Variants in SGK3 observed in about 807,000 individuals in gnomAD.
SGK3 encodes serine/threonine-protein kinase Sgk3.
Under a neutral mutation model 68.5 loss-of-function variants are expected in SGK3, and 47 were observed. That is an observed-to-expected ratio of 0.69 (90% confidence interval 0.54 to 0.87). The LOEUF is 0.87. Ranked by LOEUF, SGK3 falls within the 40% of genes least tolerant of loss-of-function variation. SGK3 has a pLI of 0.00. For synonymous variants in SGK3, 181 were observed against 189.1 expected (o/e 0.96, Z 0.35); for missense variants, 479 against 575.5 (o/e 0.83, Z 1.72).
intron 1 of SGK3, among the ~76,000 whole-genome samples, chr8:66,735,821 C>T (rs1008117368): frequency 6.6e-5 from 10 of 152,020 alleles, no homozygotes; most frequent in African/African-American, 2.2e-4. Flanking sequence ...TTTTACTTCT[C>T]AGGTTTCAAT....
chr8:66,803,890 G>A (rs1330662123), intron 3 of SGK3, among the ~76,000 whole-genome samples: 2 of 152,012 alleles, frequency 1.3e-5, no homozygotes, highest in African/African-American at 4.8e-5. Flanking sequence ...GAAGGTTAGA[G>A]CAGATAGGGT....
At chr8:66,839,496 GAGATATATATATAT>G (rs1809679618) in intron 10 of SGK3, among the ~76,000 whole-genome samples, 3 of 43,228 alleles carry the variant, frequency 6.9e-5, no homozygotes, top group South Asian at 8.1e-4. Context: ...TATATGTATG[GAGATATATATATAT>G]ATATATATAT....
At chr8:66,765,313 T>C (rs1392207437) in intron 1 of SGK3, among the ~76,000 whole-genome samples, 1 of 146,126 alleles carries the variant, frequency 6.8e-6, no homozygotes. Flanking sequence ...TGACTAATGT[T>C]GTTGAGCAAC....
At chr8:66,748,729 T>C (rs1805720196) in intron 1 of SGK3, among the ~76,000 whole-genome samples, 1 of 152,136 alleles carries the variant, frequency 6.6e-6, no homozygotes, top group Non-Finnish European at 1.5e-5. Flanking sequence ...GCTCATCAAT[T>C]TTAATTTTGA....
intron 1 of SGK3, among the ~76,000 whole-genome samples, chr8:66,744,747 C>A (rs1294329845): frequency 6.7e-6 from 1 of 150,274 alleles, no homozygotes; most frequent in African/African-American, 2.4e-5. Context: ...CTTAAATGAT[C>A]CACCCGCCTT....
intron 12 of SGK3, 135 bp downstream of exon 12, chr8:66,840,382 G>C (rs1809751829): frequency 1.1e-6 from 1 of 913,306 alleles, no homozygotes; most frequent in Non-Finnish European, 1.6e-6. Flanking sequence ...CAAAACGGTA[G>C]GGATGGAGAA....
chr8:66,822,596 A>AAAT, intron 6 of SGK3, 137 bp downstream of exon 6: 1 of 659,686 alleles, frequency 1.5e-6, no homozygotes, highest in Non-Finnish European at 2.4e-6. Context: ...ATAAAAACAA[A>AAAT]TGCATATACC....
chr8:66,775,455 GC>G (rs1048255099), intron 1 of SGK3: 1 of 152,420 alleles, frequency 6.6e-6, no homozygotes, highest in African/African-American at 2.4e-5. Context: ...CCATTTCCGC[GC>G]CCATCACGAG....
chr8:66,842,991 A>T (rs1809857837), intron 13 of SGK3, among the ~76,000 whole-genome samples: 1 of 152,168 alleles, frequency 6.6e-6, no homozygotes, highest in African/African-American at 2.4e-5. Context: ...GTATCACCTG[A>T]GCCCAGGAAG....
intron 16 of SGK3, among the ~76,000 whole-genome samples, chr8:66,856,942 A>G (rs1462413697): frequency 1.3e-5 from 2 of 152,122 alleles, no homozygotes; most frequent in Non-Finnish European, 2.9e-5. Context: ...GAAATACAAA[A>G]ATTAGCTGGG....
chr8:66,823,627 A>G (rs1808936160), intron 6 of SGK3, among the ~76,000 whole-genome samples: 1 of 151,820 alleles, frequency 6.6e-6, no homozygotes. Flanking sequence ...CAAACTCCTA[A>G]CCTTGTGATC....
At position 66,797,729 on chromosome 8, in the gene SGK3, A is replaced by G. The variant is rs541569235; in HGVS notation, c.97-813A>G. Among the ~76,000 whole-genome samples, 3 of 152,356 alleles carry G rather than the reference A, an allele frequency of 2.0e-5. No homozygotes were observed. In the East Asian group the frequency reaches 5.8e-4, roughly 29 times the overall value. On this transcript the variant is annotated intron_variant, in intron 2 of 16. Coordinates refer to ENST00000521198, the MANE Select transcript of SGK3 (RefSeq NM_001033578.3). The stretch of plus-strand genomic sequence containing the variant: ...ACAATTGAAGGTTTTTTATGTAGCA[A>G]GTATCACTTTTGAAAATACTTTGTA...
Position 66,729,735 on chromosome 8 carries a change from T to TTATATTTATTTATTTATTTA in SGK3, c.-122+16903_-122+16904insATATTTATTTATTTATTTAT, listed in dbSNP as rs149985419. Among the ~76,000 whole-genome samples the TTATATTTATTTATTTATTTA allele has an allele frequency of 4.7e-3, 716 of 151,002 alleles. 8 individuals are homozygous for TTATATTTATTTATTTATTTA. The highest frequency in any genetic ancestry group is 0.017 in the African/African-American group (684 of 40,874). ...AGAATGCCTACATTTATTTATTTAT[T>TTATATTTATTTATTTATTTA]TTTATTTATTTATTTATTTATTTAT... On this transcript the variant is annotated intron_variant, in intron 1 of 16. Transcript: ENST00000521198.
intron 5 of SGK3, among the ~76,000 whole-genome samples, chr8:66,821,845 A>G (rs1033118912): frequency 1.3e-5 from 2 of 151,792 alleles, no homozygotes; most frequent in African/African-American, 4.8e-5. Context: ...AATTTTTTCT[A>G]TGGTTTACCC....
At chr8:66,728,844 T>C (rs1261737551) in intron 1 of SGK3, among the ~76,000 whole-genome samples, 1 of 151,574 alleles carries the variant, frequency 6.6e-6, no homozygotes, top group Admixed American at 6.6e-5. Flanking sequence ...TGCTTGGGTC[T>C]AGGAGTTCAC....
At chr8:66,834,158 ATAATC>A (rs1388972163) in intron 8 of SGK3, among the ~76,000 whole-genome samples, 39 of 152,394 alleles carry the variant, frequency 2.6e-4, no homozygotes, top group African/African-American at 8.7e-4. Context: ...TTATTCATAA[ATAATC>A]TAATCTATCA....
intron 1 of SGK3, among the ~76,000 whole-genome samples, chr8:66,732,475 G>A (rs11987310): frequency 0.13 from 19,616 of 149,474 alleles, 2,457 homozygotes; most frequent in African/African-American, 0.33. Flanking sequence ...GTGACAGTAC[G>A]AGACTCTGTC....
rs1167598147 is a variant in SGK3, at chr8:66,802,171, G to T, written c.181-2204G>T. On this transcript the variant is annotated intron_variant, in intron 3 of 16. Transcript: ENST00000521198. ...ACCTCCTTCTAATTCTGCCTCCTGT[G>T]GTGAGGGGCAAAGAAAAAAATAGGA... 3.9e-5 allele frequency among the ~76,000 whole-genome samples: 6 copies of T among 151,924 alleles called. No individual in the cohort carries two copies. In the East Asian group the frequency reaches 1.2e-3, roughly 29 times the overall value.
intron 2 of SGK3, among the ~76,000 whole-genome samples, chr8:66,795,329 A>G (rs929456054): frequency 2.6e-5 from 4 of 152,214 alleles, no homozygotes; most frequent in African/African-American, 4.8e-5. Context: ...GCGTCTGACC[A>G]TTGACCCCTT....
Sources: gnomAD v4.1 joint callset for allele counts (sites outside exome capture counted in the v4.1 genomes callset) on GRCh38, gnomAD v4.1.1 for gene constraint, MANE v1.5 for transcripts, NCBI Gene and HGNC (gene_info 2026-07-23, HGNC 2026-07-21) for gene names.